NAALADL2: variants seen among roughly 807,000 people sequenced by gnomAD.
NAALADL2 encodes the protein N-acetylated alpha-linked acidic dipeptidase like 2.
A neutral mutation model predicts 87.2 loss-of-function variants in NAALADL2; 76 were observed. That is an observed-to-expected ratio of 0.87 (90% CI 0.72 to 1.05). The LOEUF is 1.05. Ranked by LOEUF, NAALADL2 falls within the 50% of genes least tolerant of loss-of-function variation. NAALADL2 has a pLI of 0.00. For missense variants in NAALADL2, 1,089 were observed against 945.8 expected, an observed-to-expected ratio of 1.15 and a Z score of -1.99; for synonymous variants, 354 against 331.0, an observed-to-expected ratio of 1.07 and a Z score of -0.75.
intron 9 of NAALADL2, among the ~76,000 whole-genome samples, chr3:175,479,647 A>G (rs1237563945): frequency 1.3e-5 from 2 of 151,774 alleles, no homozygotes; most frequent in Admixed American, 6.6e-5. Context: ...GCACAACTCT[A>G]TATACAGTGC....
rs970965750 is a variant in NAALADL2 at position 175,058,646 on chromosome 3, A to G, written c.44-38144A>G. Among the ~76,000 whole-genome samples, 16 of 152,316 alleles carry G rather than the reference A, an allele frequency of 1.1e-4. No homozygotes were observed. In the East Asian group the frequency reaches 1.2e-3, roughly 11 times the overall value. ...TTCTGAAAAGAGAAAAAGCACATGC[A>G]GACACTCTGTGTCTGTGGGAGCAAG... On this transcript the variant is annotated intron_variant, in intron 1 of 13. Coordinates refer to ENST00000454872, the MANE Select transcript of NAALADL2 (RefSeq NM_207015.3).
chr3:175,248,046 CT>C (rs1176565077), intron 3 of NAALADL2, among the ~76,000 whole-genome samples: 1 of 152,204 alleles, frequency 6.6e-6, no homozygotes, highest in Non-Finnish European at 1.5e-5. Flanking sequence ...AAAAGGGCCC[CT>C]GCCTTTCCTT....
At chr3:174,469,437 T>C (rs971574106) in intron 1 of NAALADL2, among the ~76,000 whole-genome samples, 9 of 150,820 alleles carry the variant, frequency 6.0e-5, no homozygotes, top group Non-Finnish European at 1.2e-4. Context: ...TTTTTTTTTT[T>C]CTTTTTTTTG....
chr3:175,485,756 A>G (rs939216960), intron 9 of NAALADL2, among the ~76,000 whole-genome samples: 3 of 152,160 alleles, frequency 2.0e-5, no homozygotes, highest in African/African-American at 7.2e-5. Context: ...CTCCCAGTCC[A>G]CTGACTCAAA....
At chr3:174,441,780 T>C (rs540771915) in intron 1 of NAALADL2, among the ~76,000 whole-genome samples, 2 of 151,806 alleles carry the variant, frequency 1.3e-5, no homozygotes, top group African/African-American at 4.8e-5. Flanking sequence ...CCTTGTGTTC[T>C]TTTCCCCCTC....
chr3:175,190,993 A>G (rs977483622), intron 2 of NAALADL2, among the ~76,000 whole-genome samples: 4 of 151,606 alleles, frequency 2.6e-5, no homozygotes, highest in Admixed American at 1.3e-4. Context: ...AAAAAAAAAA[A>G]AAAAAGAAAA....
At chr3:174,653,189 T>C (rs1724553909) in intron 2 of NAALADL2, among the ~76,000 whole-genome samples, 1 of 152,166 alleles carries the variant, frequency 6.6e-6, no homozygotes, top group Non-Finnish European at 1.5e-5. Context: ...ACATACATAT[T>C]TTTCCTAAAT....
At chr3:174,575,971 A>T (rs899745829) in intron 2 of NAALADL2, among the ~76,000 whole-genome samples, 3 of 151,976 alleles carry the variant, frequency 2.0e-5, no homozygotes, top group African/African-American at 7.2e-5. Context: ...TAAAGCGATG[A>T]TCCTGCCTCA....
At chr3:175,311,692 C>T (rs1758382730) in intron 4 of NAALADL2, among the ~76,000 whole-genome samples, 1 of 145,306 alleles carries the variant, frequency 6.9e-6, no homozygotes, top group East Asian at 2.0e-4. Flanking sequence ...TCCTTCCTTC[C>T]TTCCTTCCTC....
intron 2 of NAALADL2, among the ~76,000 whole-genome samples, chr3:174,589,785 T>C (rs1717152251): frequency 6.6e-6 from 1 of 151,994 alleles, no homozygotes; most frequent in African/African-American, 2.4e-5. Context: ...AGTGGAATAC[T>C]AGAATATTAA....
intron 3 of NAALADL2, among the ~76,000 whole-genome samples, chr3:174,759,942 G>T (rs1050045984): frequency 6.6e-6 from 1 of 151,984 alleles, no homozygotes; most frequent in Non-Finnish European, 1.5e-5. Context: ...CTTGTGATCT[G>T]CCCGCCTCTG....
At chr3:175,132,968 C>T (rs948718435) in intron 2 of NAALADL2, among the ~76,000 whole-genome samples, 8 of 149,018 alleles carry the variant, frequency 5.4e-5, no homozygotes, top group East Asian at 4.1e-4. Flanking sequence ...TCTTCTCAGA[C>T]GGGGCGGCCG....
intron 1 of NAALADL2, among the ~76,000 whole-genome samples, chr3:174,494,539 A>G (rs1278048236): frequency 1.3e-5 from 2 of 151,890 alleles, no homozygotes; most frequent in Non-Finnish European, 2.9e-5. Flanking sequence ...CAAGTTAATG[A>G]GTGCAGCACA....
chr3:174,767,970 G>A (rs897557259), intron 3 of NAALADL2, among the ~76,000 whole-genome samples: 70 of 152,300 alleles, frequency 4.6e-4, no homozygotes, highest in Non-Finnish European at 4.4e-5. Context: ...AAATTTAACA[G>A]AAATACGTAA....
chr3:175,452,537 G>A (rs1168420988), intron 6 of NAALADL2, among the ~76,000 whole-genome samples: 1 of 152,062 alleles, frequency 6.6e-6, no homozygotes, highest in Non-Finnish European at 1.5e-5. Context: ...ATTTTAATTT[G>A]TGCAGATAGC....
intron 9 of NAALADL2, among the ~76,000 whole-genome samples, chr3:175,550,813 A>G (rs1714214071): frequency 6.6e-6 from 1 of 152,208 alleles, no homozygotes; most frequent in Non-Finnish European, 1.5e-5. Flanking sequence ...GTGTATCAGG[A>G]ATCTCTAGAT....
chr3:175,403,823 C>T (rs1345371413), intron 5 of NAALADL2, among the ~76,000 whole-genome samples: 2 of 152,046 alleles, frequency 1.3e-5, no homozygotes, highest in African/African-American at 2.4e-5. Flanking sequence ...TAAACTCGCA[C>T]GGCATTAGAA....
intron 3 of NAALADL2, among the ~76,000 whole-genome samples, chr3:174,806,897 G>A (rs747504643): frequency 1.1e-4 from 17 of 151,920 alleles, no homozygotes; most frequent in Non-Finnish European, 2.1e-4. Context: ...AGATTATTAG[G>A]TCCTTATAGC....
At chr3:175,186,617 C>T (rs2861999) in intron 2 of NAALADL2, among the ~76,000 whole-genome samples, 56,553 of 151,880 alleles carry the variant, frequency 0.37, 11,709 homozygotes, top group East Asian at 0.53. Context: ...ATATAGCTTG[C>T]TTTTACTTTA....
Sources: allele counts gnomAD v4.1 joint callset (sites outside exome capture counted in the v4.1 genomes callset), GRCh38; gene constraint gnomAD v4.1.1; transcripts MANE v1.5; gene names NCBI Gene and HGNC (gene_info 2026-07-23, HGNC 2026-07-21).